OPCML: variants seen among roughly 807,000 people sequenced by gnomAD.
OPCML encodes the protein opioid-binding protein/cell adhesion molecule.
In OPCML, 13 loss-of-function variants were observed where a neutral mutation model predicts 37.8. The ratio of observed to expected loss-of-function variants is 0.34; its 90% confidence interval spans 0.22 to 0.55. The LOEUF is 0.55. Among genes scored for constraint, OPCML ranks in the 20% least tolerant of loss-of-function variants. The pLI, the probability that OPCML is intolerant of heterozygous loss-of-function variation, is 0.91. For missense variants in OPCML, 341 were observed against 435.6 expected (o/e 0.78, Z 1.93); for synonymous variants, 176 against 168.8 (o/e 1.04, Z -0.33).
intron 1 of OPCML, among the ~76,000 whole-genome samples, chr11:133,035,922 C>CT (rs1356831135): frequency 3.7e-5 from 3 of 81,940 alleles, no homozygotes; most frequent in East Asian, 1.2e-3. Context: ...AAAGAGAGGC[C>CT]TCGGAGAAAC....
At chr11:133,095,747 G>A (rs942466768) in intron 1 of OPCML, among the ~76,000 whole-genome samples, 1 of 151,012 alleles carries the variant, frequency 6.6e-6, no homozygotes, top group African/African-American at 2.4e-5. Flanking sequence ...CTACAGAGGA[G>A]AAAAGATAAA....
At chr11:132,704,939 C>T (rs1000517642) in intron 2 of OPCML, among the ~76,000 whole-genome samples, 4 of 152,098 alleles carry the variant, frequency 2.6e-5, no homozygotes, top group Non-Finnish European at 5.9e-5. Flanking sequence ...AATGTTTAAC[C>T]AATGGAGGTT....
intron 4 of OPCML, among the ~76,000 whole-genome samples, chr11:132,519,332 C>T (rs554547): frequency 0.74 from 113,045 of 151,800 alleles, 43,274 homozygotes; most frequent in Non-Finnish European, 0.84. Flanking sequence ...GTTAGCACTC[C>T]GGAGTTTGGG....
intron 2 of OPCML, among the ~76,000 whole-genome samples, chr11:132,796,543 T>C (rs1297802410): frequency 1.3e-5 from 2 of 150,372 alleles, no homozygotes; most frequent in African/African-American, 4.9e-5. Context: ...CTAACACTTA[T>C]TATTATCCAC....
chr11:132,550,840 A>T (rs1425643133), intron 3 of OPCML, among the ~76,000 whole-genome samples: 1 of 152,204 alleles, frequency 6.6e-6, no homozygotes, highest in Non-Finnish European at 1.5e-5. Flanking sequence ...TAATATGTGC[A>T]TGCCAGGAAA....
At chr11:133,473,806 G>T (rs1947172264) in intron 1 of OPCML, among the ~76,000 whole-genome samples, 1 of 152,188 alleles carries the variant, frequency 6.6e-6, no homozygotes, top group Non-Finnish European at 1.5e-5. Flanking sequence ...GGAAGGGTTG[G>T]CTTCCCAAGA....
chr11:133,253,235 G>A lies in OPCML; in HGVS notation c.61+279029C>T, dbSNP rs1269555830. 7.9e-5 allele frequency among the ~76,000 whole-genome samples: 12 copies of A among 151,976 alleles called. No individual in the cohort carries two copies. The East Asian group carries it at 1.2e-3, about 15-fold the overall frequency. On this transcript the variant is annotated intron_variant, in intron 1 of 7. Transcript: ENST00000524381. Reference sequence around the variant, plus strand: ...ATCAGAGCTGTGTAGAAATGACCACGTGATTAATGATGCTAATGATGAGTA... The same window carrying A: ...ATCAGAGCTGTGTAGAAATGACCACATGATTAATGATGCTAATGATGAGTA...
At chr11:132,489,810 A>G (rs1202351532) in intron 4 of OPCML, among the ~76,000 whole-genome samples, 1 of 152,134 alleles carries the variant, frequency 6.6e-6, no homozygotes, top group African/African-American at 2.4e-5. Context: ...CGCATGCATT[A>G]GGTATTTCTG....
chr11:132,747,705 G>A (rs1945682161), intron 2 of OPCML, among the ~76,000 whole-genome samples: 1 of 152,200 alleles, frequency 6.6e-6, no homozygotes, highest in African/African-American at 2.4e-5. Flanking sequence ...GAACTCAGAA[G>A]GGAGAAGTTT....
intron 1 of OPCML, among the ~76,000 whole-genome samples, chr11:133,493,058 A>G (rs1947700316): frequency 6.6e-6 from 1 of 152,144 alleles, no homozygotes; most frequent in Non-Finnish European, 1.5e-5. Context: ...CTGCATCTCA[A>G]ACTGAGGGCT....
chr11:133,021,878 C>T (rs1009757876), intron 1 of OPCML, among the ~76,000 whole-genome samples: 2 of 152,060 alleles, frequency 1.3e-5, no homozygotes, highest in African/African-American at 2.4e-5. Flanking sequence ...TGCTGAGCCC[C>T]GTGCTACAGA....
chr11:132,736,581 A>C (rs566559278), intron 2 of OPCML, among the ~76,000 whole-genome samples: 1 of 152,238 alleles, frequency 6.6e-6, no homozygotes, highest in East Asian at 1.9e-4. Flanking sequence ...ACAGTGGGTA[A>C]CTCCTGAAGT....
chr11:132,926,247 C>T (rs1944984838), intron 2 of OPCML, among the ~76,000 whole-genome samples: 1 of 152,156 alleles, frequency 6.6e-6, no homozygotes. Context: ...TAGATTGTAA[C>T]TCTAAAGATG....
At chr11:132,500,336 A>G (rs923270795) in intron 4 of OPCML, among the ~76,000 whole-genome samples, 1 of 152,164 alleles carries the variant, frequency 6.6e-6, no homozygotes, top group Non-Finnish European at 1.5e-5. Context: ...TATAATTTTT[A>G]CCAGAACCTG....
chr11:132,753,193 C>G (rs1175865350), intron 2 of OPCML, among the ~76,000 whole-genome samples: 1 of 152,126 alleles, frequency 6.6e-6, no homozygotes, highest in Non-Finnish European at 1.5e-5. Flanking sequence ...TCCTTCCTGG[C>G]TCCCAGTCTA....
intron 1 of OPCML, among the ~76,000 whole-genome samples, chr11:133,468,162 T>C (rs1947018457): frequency 6.6e-6 from 1 of 152,192 alleles, no homozygotes; most frequent in South Asian, 2.1e-4. Flanking sequence ...GGTTTTTCCT[T>C]GCCTTTCATT....
intron 1 of OPCML, among the ~76,000 whole-genome samples, chr11:132,952,402 T>C (rs1012950536): frequency 1.3e-5 from 2 of 152,100 alleles, no homozygotes; most frequent in African/African-American, 4.8e-5. Context: ...CCCAAACCAA[T>C]CCCTATATGA....
chr11:132,784,137 T>C (rs1439050335), intron 2 of OPCML, among the ~76,000 whole-genome samples: 1 of 152,152 alleles, frequency 6.6e-6, no homozygotes, highest in Non-Finnish European at 1.5e-5. Context: ...AACCCAGCTA[T>C]CCACAGTAAC....
At chr11:133,112,549 A>G (rs1949272635) in intron 1 of OPCML, among the ~76,000 whole-genome samples, 1 of 152,200 alleles carries the variant, frequency 6.6e-6, no homozygotes, top group Admixed American at 6.5e-5. Flanking sequence ...GGCATCTTTC[A>G]GATGTTTTCT....
Sources: gnomAD v4.1 joint callset for allele counts (sites outside exome capture counted in the v4.1 genomes callset) on GRCh38, gnomAD v4.1.1 for gene constraint, MANE v1.5 for transcripts, NCBI Gene and HGNC (gene_info 2026-07-23, HGNC 2026-07-21) for gene names.